The following RMI1 variants were observed in gnomAD, a reference collection of about 807,000 sequenced individuals.
The protein encoded by RMI1 is RecQ mediated genome instability 1.
A neutral mutation model predicts 46.7 loss-of-function variants in RMI1; 36 were observed. That is an observed-to-expected ratio of 0.77 (90% CI 0.59 to 1.02). The LOEUF is 1.02. Ranked by LOEUF, RMI1 falls within the 50% of genes least tolerant of loss-of-function variation. RMI1 has a pLI of 0.00. For missense variants in RMI1, 676 were observed against 713.7 expected, an observed-to-expected ratio of 0.95 and a Z score of 0.60; for synonymous variants, 250 against 252.9, an observed-to-expected ratio of 0.99 and a Z score of 0.11.
intron 1 of RMI1, among the ~76,000 whole-genome samples, chr9:83,985,972 G>A (rs62565782): frequency 0.091 from 13,760 of 151,926 alleles, 855 homozygotes; most frequent in Non-Finnish European, 0.14. Flanking sequence ...TTGCACCACC[G>A]CACTCCAGCC....
In RMI1 at chr9:83,997,105, C is replaced by CG. The variant is rs1588469548; in HGVS notation, c.-125-2604_-125-2603insG. ...AAGGTAGAGGTAAGTCCAACACCCC[C>CG]CCCTTTTTTTTTTTTTTTTTTTTGA... On this transcript the variant is annotated intron_variant, in intron 1 of 2. Coordinates refer to ENST00000445877, the MANE Select transcript of RMI1 (RefSeq NM_001358291.2). Among the ~76,000 whole-genome samples, 9 of 97,450 alleles carry CG rather than the reference C, an allele frequency of 9.2e-5. No homozygotes were observed. The East Asian group carries it at 2.2e-3, about 24-fold the overall frequency. The allele number at this position is 97,450 out of a possible 152,430, so 63.9% of individuals were successfully genotyped here. A position where few individuals can be genotyped will look rare whatever the true frequency, so the allele number is the denominator to read the frequency against.
chr9:84,002,411 G>C lies in RMI1; in HGVS notation c.1425G>C (p.Glu475Asp). 6.2e-7 allele frequency: 1 copy of C among 1,613,390 alleles called. No homozygotes were observed. Among genetic ancestry groups the C allele is most frequent in the Non-Finnish European group, 8.5e-7 (1 of 1,179,614 alleles). Residue 475 changes from glutamate (E) to aspartate (D), a missense_variant, in exon 3 of 3, where the codon GAG becomes GAC. Coordinates refer to ENST00000445877, the MANE Select transcript of RMI1 (RefSeq NM_001358291.2). ...AGAGTTGTTCTTTAAGATCATCAGA[G>C]AATAGCATTAATCTTTCTATTGCCA... ...NLQSCSLRSS[E>D]NSINLSIAMD...
chr9:83,986,919 G>C (rs981755612), intron 1 of RMI1, among the ~76,000 whole-genome samples: 1 of 152,136 alleles, frequency 6.6e-6, no homozygotes, highest in Non-Finnish European at 1.5e-5. Flanking sequence ...TCTAATGTCT[G>C]TCATCACATT....
Position 84,002,856 on chromosome 9 carries a change from A to C in RMI1, c.1870A>C (p.Asn624His), listed in dbSNP as rs1200663410. 1 of 1,504,032 alleles carries C rather than the reference A, an allele frequency of 6.6e-7. No homozygotes were observed. 93.2% of individuals were successfully genotyped at this position (1,504,032 alleles called of 1,614,324 possible). Residue 624 changes from asparagine to histidine, a missense_variant, in exon 3 of 3, where the codon AAT (asparagine) becomes CAT (histidine). Transcript: ENST00000445877. ...CCTTGAGAATCTAAAGAAGCGGTTA[A>C]ATAAATAATTAAACTAAAATAGTAT... ...EHLENLKKRL[N>H]K
chr9:83,982,507 CAAA>C (rs755819418), intron 1 of RMI1, among the ~76,000 whole-genome samples: 2 of 143,462 alleles, frequency 1.4e-5, no homozygotes, highest in Non-Finnish European at 3.1e-5. Flanking sequence ...ACTAAAAAGA[CAAA>C]AAAAAAAATT....
intron 1 of RMI1, among the ~76,000 whole-genome samples, chr9:83,984,871 T>C (rs930479475): frequency 2.0e-5 from 3 of 152,210 alleles, no homozygotes; most frequent in South Asian, 2.1e-4. Context: ...CCCGAACATA[T>C]CTTACTGTAT....
intron 1 of RMI1, among the ~76,000 whole-genome samples, chr9:83,994,959 T>C (rs1349794524): frequency 2.0e-5 from 3 of 152,196 alleles, no homozygotes; most frequent in African/African-American, 7.2e-5. Context: ...TAGAGAGTTT[T>C]TTCAACCTAG....
intron 1 of RMI1, among the ~76,000 whole-genome samples, chr9:83,985,942 G>A (rs1404310127): frequency 1.3e-5 from 2 of 152,144 alleles, no homozygotes; most frequent in Non-Finnish European, 2.9e-5. Flanking sequence ...CCGGCAGGCT[G>A]AGTTTGCAGT....
Position 84,003,936 on chromosome 9 carries a change from G to A in RMI1, c.*1072G>A, listed in dbSNP as rs1382936740. On this transcript the variant is annotated 3_prime_UTR_variant, in exon 3 of 3. Transcript: ENST00000445877. The stretch of plus-strand genomic sequence containing the variant: ...TACTGATTTTTTTTTAAAAAAAAGA[G>A]GGACTGTTTACCATTCTTCCACTGT... 1 of 165,992 alleles carries A rather than the reference G, an allele frequency of 6.0e-6. No homozygotes were observed. Among genetic ancestry groups the A allele is most frequent in the Admixed American group, 6.6e-5 (1 of 15,252 alleles). The allele number at this position is 165,992 out of a possible 1,614,324, so 10.3% of individuals were successfully genotyped here. A position where few individuals can be genotyped will look rare whatever the true frequency, so the allele number is the denominator to read the frequency against.
At chr9:83,993,856 C>T (rs533549176) in intron 1 of RMI1, among the ~76,000 whole-genome samples, 6 of 152,100 alleles carry the variant, frequency 3.9e-5, no homozygotes, top group Non-Finnish European at 7.4e-5. Flanking sequence ...CGCACACTTA[C>T]GGCTTGCTGC....
intron 1 of RMI1, among the ~76,000 whole-genome samples, chr9:83,981,618 T>TG (rs1957398740): frequency 6.6e-6 from 1 of 152,192 alleles, no homozygotes; most frequent in Non-Finnish European, 1.5e-5. Flanking sequence ...TTCCACATCC[T>TG]TACTCGTCAA....
chr9:84,000,030 A>C (rs1234053782), intron 2 of RMI1, among the ~76,000 whole-genome samples: 1 of 152,212 alleles, frequency 6.6e-6, no homozygotes, highest in Non-Finnish European at 1.5e-5. Context: ...CTATCAGCTC[A>C]GAGTCTGCTG....
At chr9:83,984,614 T>G (rs1241386402) in intron 1 of RMI1, among the ~76,000 whole-genome samples, 1 of 151,960 alleles carries the variant, frequency 6.6e-6, no homozygotes, top group Admixed American at 6.6e-5. Context: ...CAGGCTGTAG[T>G]GCAATGGCAC....
chr9:83,982,153 A>G (rs1301008424), intron 1 of RMI1, among the ~76,000 whole-genome samples: 1 of 152,244 alleles, frequency 6.6e-6, no homozygotes, highest in Non-Finnish European at 1.5e-5. Flanking sequence ...GGCTTAGGAT[A>G]CTTGGATTAT....
rs769627329 is a variant in RMI1, at chr9:84,001,461, A to G, written c.475A>G (p.Ser159Gly). ...MEYQPIPILH[S>G]DLPPGTKILI... ...ATATCAGCCTATTCCAATTCTTCAT[A>G]GTGATCTTCCTCCAGGTACAAAAAT... Residue 159 changes from serine to glycine, a missense_variant, in exon 3 of 3, where the codon AGT (serine) becomes GGT (glycine). Coordinates refer to ENST00000445877, the MANE Select transcript of RMI1 (RefSeq NM_001358291.2). The G allele has an allele frequency of 4.3e-6, 7 of 1,613,978 alleles. No homozygotes were observed. Among genetic ancestry groups the G allele is most frequent in the African/African-American group, 2.7e-5 (2 of 74,936 alleles).
chr9:83,998,544 A>C (rs1405218233), intron 1 of RMI1, among the ~76,000 whole-genome samples: 1 of 152,230 alleles, frequency 6.6e-6, no homozygotes, highest in Non-Finnish European at 1.5e-5. Context: ...TAAGGAATCC[A>C]TGTCACTGAG....
intron 1 of RMI1, among the ~76,000 whole-genome samples, chr9:83,997,106 C>A (rs1407314330): frequency 1.0e-5 from 1 of 97,226 alleles, no homozygotes; most frequent in Non-Finnish European, 2.2e-5. Context: ...CAACACCCCC[C>A]CCTTTTTTTT....
At position 84,002,586 on chromosome 9, in the gene RMI1, G is replaced by A; in HGVS notation, c.1600G>A (p.Val534Met). Reference sequence around the variant, plus strand: ...TGGTATTTGGAGTATAACTGCAAAGGTGTCTGATGGTACTGCATATCTAGA... The same window carrying A: ...TGGTATTTGGAGTATAACTGCAAAGATGTCTGATGGTACTGCATATCTAGA... ...SGGIWSITAKVSDGTAYLDVD... is the reference protein window; with the variant it reads ...SGGIWSITAKMSDGTAYLDVD... The change falls in exon 3 of 3, where the codon GTG (valine) becomes ATG (methionine). Residue 534 changes from valine to methionine, a missense_variant. By Grantham distance (21) the Val-to-Met change is conservative. Coordinates refer to ENST00000445877, the MANE Select transcript of RMI1 (RefSeq NM_001358291.2). 6.2e-7 allele frequency: 1 copy of A among 1,613,942 alleles called. No homozygotes were observed. Among genetic ancestry groups the A allele is most frequent in the South Asian group, 1.1e-5 (1 of 91,084 alleles).
At chr9:83,986,919 G>A (rs981755612) in intron 1 of RMI1, among the ~76,000 whole-genome samples, 1 of 152,136 alleles carries the variant, frequency 6.6e-6, no homozygotes, top group African/African-American at 2.4e-5. Flanking sequence ...TCTAATGTCT[G>A]TCATCACATT....
Sources: allele counts gnomAD v4.1 joint callset (sites outside exome capture counted in the v4.1 genomes callset), GRCh38; gene constraint gnomAD v4.1.1; transcripts MANE v1.5; gene names NCBI Gene and HGNC (gene_info 2026-07-23, HGNC 2026-07-21).